Variants in ADAMTS16 observed in about 807,000 individuals in gnomAD.
ADAMTS16 encodes ADAM metallopeptidase with thrombospondin type 1 motif 16, also known as A disintegrin and metalloproteinase with thrombospondin motifs 16.
Under a neutral mutation model 145.8 loss-of-function variants are expected in ADAMTS16, and 94 were observed. The observed-to-expected ratio is 0.64, with a 90% CI of 0.55 to 0.77. ADAMTS16 has a LOEUF of 0.77. Among genes scored for constraint, ADAMTS16 ranks in the 30% least tolerant of loss-of-function variants. The pLI is 0.00. For synonymous variants in ADAMTS16, 659 were observed against 604.3 expected (o/e 1.09, Z -1.33); for missense variants, 1,585 against 1,591.5 (o/e 1.00, Z 0.07).
At chr5:5,183,057 G>A (rs1345054524) in intron 4 of ADAMTS16, among the ~76,000 whole-genome samples, 2 of 152,132 alleles carry the variant, frequency 1.3e-5, no homozygotes, top group African/African-American at 2.4e-5. Context: ...AGTGAATCTC[G>A]TTGAATGAGT....
In ADAMTS16 at chr5:5,295,006, T is replaced by A. The variant is rs571378780; in HGVS notation, c.2790-8262T>A. 2.0e-5 allele frequency among the ~76,000 whole-genome samples: 3 copies of A among 152,296 alleles called. No homozygotes were observed. The South Asian group carries it at 6.2e-4, about 32-fold the overall frequency. ...AAAAGTAGATAGAGGGAAAAATTAT[T>A]TAAAAAAAATGCACACACATACCTG... On this transcript the variant is annotated intron_variant, in intron 18 of 22. Transcript: ENST00000274181.
chr5:5,294,270 A>G (rs1288299497), intron 18 of ADAMTS16, among the ~76,000 whole-genome samples: 6 of 152,228 alleles, frequency 3.9e-5, no homozygotes, highest in African/African-American at 1.4e-4. Context: ...GCAATCATCT[A>G]TAAGACTTCG....
At chr5:5,233,154 A>G (rs1191071015) in intron 12 of ADAMTS16, among the ~76,000 whole-genome samples, 1 of 152,212 alleles carries the variant, frequency 6.6e-6, no homozygotes, top group Non-Finnish European at 1.5e-5. Context: ...TGTATAGAAT[A>G]CAAATAAATA....
chr5:5,156,885 T>C (rs1475115082), intron 3 of ADAMTS16, among the ~76,000 whole-genome samples: 2 of 152,204 alleles, frequency 1.3e-5, no homozygotes, highest in Non-Finnish European at 2.9e-5. Flanking sequence ...TCCTTCGTGA[T>C]TGTGGACAAC....
intron 18 of ADAMTS16, among the ~76,000 whole-genome samples, chr5:5,272,434 T>A (rs1330883130): frequency 6.8e-6 from 1 of 146,490 alleles, no homozygotes; most frequent in Non-Finnish European, 1.5e-5. Context: ...CAATCTCGGC[T>A]CACTGCAAGC....
chr5:5,170,567 G>A (rs1191213961), intron 3 of ADAMTS16, among the ~76,000 whole-genome samples: 4 of 151,804 alleles, frequency 2.6e-5, no homozygotes, highest in Non-Finnish European at 5.9e-5. Flanking sequence ...TAGTAGAGAC[G>A]CGGTTTCTCC....
intron 17 of ADAMTS16, among the ~76,000 whole-genome samples, chr5:5,248,330 C>T (rs1170767876): frequency 6.6e-6 from 1 of 152,258 alleles, no homozygotes; most frequent in Non-Finnish European, 1.5e-5. Context: ...TTTCCAAAGA[C>T]CTGGCCAGAG....
At chr5:5,212,030 T>C (rs1441789407) in intron 10 of ADAMTS16, among the ~76,000 whole-genome samples, 3 of 152,142 alleles carry the variant, frequency 2.0e-5, no homozygotes, top group Non-Finnish European at 2.9e-5. Context: ...GGGTAGAATA[T>C]TCAAGAAATA....
At chr5:5,291,074 A>G (rs554396292) in intron 18 of ADAMTS16, among the ~76,000 whole-genome samples, 1 of 152,310 alleles carries the variant, frequency 6.6e-6, no homozygotes, top group East Asian at 1.9e-4. Flanking sequence ...AATAGTTCTC[A>G]TAAGAGTAAA....
At chr5:5,164,858 A>G (rs549431592) in intron 3 of ADAMTS16, among the ~76,000 whole-genome samples, 1 of 151,980 alleles carries the variant, frequency 6.6e-6, no homozygotes, top group East Asian at 1.9e-4. Flanking sequence ...TTGTATTTTT[A>G]GTAGAGACGG....
chr5:5,220,869 C>T (rs1332776001), intron 10 of ADAMTS16, among the ~76,000 whole-genome samples: 1 of 152,106 alleles, frequency 6.6e-6, no homozygotes, highest in Non-Finnish European at 1.5e-5. Flanking sequence ...TCTCCCAGAT[C>T]ACCCAACCAC....
chr5:5,250,933 C>T (rs373710152), intron 17 of ADAMTS16, among the ~76,000 whole-genome samples: 54 of 152,144 alleles, frequency 3.5e-4, no homozygotes, highest in Middle Eastern at 3.4e-3. Flanking sequence ...TCAGAGTCCT[C>T]GGGGCAGTCA....
chr5:5,199,135 T>C (rs1372710429), intron 8 of ADAMTS16, among the ~76,000 whole-genome samples: 2 of 152,224 alleles, frequency 1.3e-5, no homozygotes, highest in Admixed American at 6.5e-5. Context: ...ATCATTGAAA[T>C]GAGCCTTGAG....
intron 18 of ADAMTS16, among the ~76,000 whole-genome samples, chr5:5,296,911 C>T (rs776132041): frequency 6.6e-6 from 1 of 152,114 alleles, no homozygotes; most frequent in African/African-American, 2.4e-5. Context: ...TAGTAGAAAC[C>T]GTTGGCTCAA....
chr5:5,175,483 A>G (rs1430136778), intron 3 of ADAMTS16, among the ~76,000 whole-genome samples: 1 of 152,164 alleles, frequency 6.6e-6, no homozygotes, highest in Non-Finnish European at 1.5e-5. Context: ...GGGAGGGCTA[A>G]CACACTCACT....
At chr5:5,304,993 ACACACACACACATCCCACAC>A (rs1561000174) in intron 20 of ADAMTS16, among the ~76,000 whole-genome samples, 2 of 117,134 alleles carry the variant, frequency 1.7e-5, no homozygotes, top group African/African-American at 3.2e-5. Flanking sequence ...CCTACACCAC[ACACACACACACATCCCACAC>A]CACACACACA....
chr5:5,183,742 T>C (rs1579294551), intron 4 of ADAMTS16, among the ~76,000 whole-genome samples: 1 of 152,308 alleles, frequency 6.6e-6, no homozygotes, highest in Non-Finnish European at 1.5e-5. Flanking sequence ...CAGTGTGGTG[T>C]CCACATCTGC....
intron 6 of ADAMTS16, among the ~76,000 whole-genome samples, chr5:5,188,606 T>C (rs1017585445): frequency 1.2e-4 from 18 of 152,170 alleles, no homozygotes; most frequent in Admixed American, 5.2e-4. Context: ...CTTGCTGACG[T>C]TTTCAGAGTC....
At chr5:5,244,318 A>G (rs985586791) in intron 17 of ADAMTS16, among the ~76,000 whole-genome samples, 4 of 152,170 alleles carry the variant, frequency 2.6e-5, no homozygotes, top group Non-Finnish European at 5.9e-5. Flanking sequence ...TATCCCCAGA[A>G]TTACTTTCTA....
Sources: gnomAD v4.1 joint callset for allele counts (sites outside exome capture counted in the v4.1 genomes callset) on GRCh38, gnomAD v4.1.1 for gene constraint, MANE v1.5 for transcripts, NCBI Gene and HGNC (gene_info 2026-07-23, HGNC 2026-07-21) for gene names.